The following ZDHHC15 variants were observed in gnomAD, a reference collection of about 807,000 sequenced individuals.
ZDHHC15 encodes zDHHC palmitoyltransferase 15, also known as palmitoyltransferase ZDHHC15.
In ZDHHC15, 19 loss-of-function variants were observed where a neutral mutation model predicts 31.7. The observed-to-expected ratio is 0.60, with a 90% CI of 0.42 to 0.88. ZDHHC15 has a LOEUF of 0.88. Ranked by LOEUF, ZDHHC15 falls within the 40% of genes least tolerant of loss-of-function variation. ZDHHC15 has a pLI of 0.00. For missense variants in ZDHHC15, 209 were observed against 251.2 expected, an observed-to-expected ratio of 0.83 and a Z score of 1.14; for synonymous variants, 103 against 90.0, an observed-to-expected ratio of 1.14 and a Z score of -0.82.
chrX:75,458,907 G>A (rs777290073), intron 3 of ZDHHC15, among the ~76,000 whole-genome samples: 1 of 105,208 alleles, frequency 9.5e-6, no homozygotes, highest in African/African-American at 3.5e-5. Flanking sequence ...TCTCGCATTC[G>A]GACTGACTAG....
chrX:75,442,332 G>T (rs2083954296), intron 4 of ZDHHC15, among the ~76,000 whole-genome samples: 1 of 111,596 alleles, frequency 9.0e-6, no homozygotes, highest in Non-Finnish European at 1.9e-5. Flanking sequence ...GAAATAAAGG[G>T]TATTCAATTA....
At chrX:75,505,725 G>A in intron 2 of ZDHHC15, 96 bp downstream of exon 2, 1 of 1,004,185 alleles carries the variant, frequency 1.0e-6, no homozygotes, top group South Asian at 2.5e-5. Flanking sequence ...GTTTATTTCT[G>A]GGAAAATTGC....
At chrX:75,450,045 A>G (rs943144672) in intron 4 of ZDHHC15, among the ~76,000 whole-genome samples, 3 of 112,006 alleles carry the variant, frequency 2.7e-5, no homozygotes, top group African/African-American at 9.7e-5. Context: ...AAACAACCCA[A>G]GTATGTATCA....
intron 4 of ZDHHC15, among the ~76,000 whole-genome samples, chrX:75,440,537 C>G (rs2083925151): frequency 8.9e-6 from 1 of 112,623 alleles, no homozygotes. Context: ...CCCCGGCCTC[C>G]CGAAGTGCTG....
intron 1 of ZDHHC15, among the ~76,000 whole-genome samples, chrX:75,507,372 CAAACTTCCCTTTTGG>C (rs2085184714): frequency 2.8e-5 from 3 of 107,937 alleles, no homozygotes; most frequent in African/African-American, 1.0e-4. Flanking sequence ...TTTTTTTTTG[CAAACTTCCCTTTTGG>C]AAATTACATA....
chrX:75,395,419 C>T (rs2083288823), intron 10 of ZDHHC15, among the ~76,000 whole-genome samples: 1 of 111,309 alleles, frequency 9.0e-6, no homozygotes. Flanking sequence ...CAGTGAACAA[C>T]ATAAAATGAA....
intron 1 of ZDHHC15, among the ~76,000 whole-genome samples, chrX:75,513,147 T>A (rs1465161823): frequency 9.0e-6 from 1 of 110,706 alleles, no homozygotes; most frequent in African/African-American, 3.3e-5. Flanking sequence ...TCAAGATGGA[T>A]TAAAGATTTA....
intron 3 of ZDHHC15, among the ~76,000 whole-genome samples, chrX:75,472,875 G>A (rs1488484142): frequency 8.9e-6 from 1 of 112,203 alleles, no homozygotes; most frequent in Non-Finnish European, 1.9e-5. Flanking sequence ...ATTCAAACTG[G>A]CACCATTTCT....
chrX:75,492,433 A>C (rs1293882686), intron 2 of ZDHHC15, among the ~76,000 whole-genome samples: 1 of 111,475 alleles, frequency 9.0e-6, no homozygotes, highest in African/African-American at 3.3e-5. Context: ...AAGCGGACCT[A>C]ATAGACATCT....
intron 8 of ZDHHC15, among the ~76,000 whole-genome samples, chrX:75,422,745 CT>C (rs1256135212): frequency 9.0e-6 from 1 of 111,268 alleles, no homozygotes; most frequent in African/African-American, 3.3e-5. Flanking sequence ...ATCTACCACC[CT>C]AGCAACTAGG....
intron 10 of ZDHHC15, among the ~76,000 whole-genome samples, chrX:75,394,654 C>A (rs187064787): frequency 1.2e-3 from 137 of 111,836 alleles, no homozygotes; most frequent in Non-Finnish European, 2.3e-3. Context: ...ATAAAGGGGT[C>A]TATTCAGCAG....
intron 7 of ZDHHC15, among the ~76,000 whole-genome samples, chrX:75,425,493 CG>C (rs1211772209): frequency 8.9e-6 from 1 of 111,763 alleles, no homozygotes; most frequent in Non-Finnish European, 1.9e-5. Context: ...CCTTTTTTTC[CG>C]ACATGCAGCC....
chrX:75,373,926 G>T (rs377259300), intron 11 of ZDHHC15, among the ~76,000 whole-genome samples: 382 of 50,284 alleles, frequency 7.6e-3, no homozygotes, highest in South Asian at 0.011. Context: ...CATTCTTTCT[G>T]TTTTTTTTTT....
At chrX:75,438,568 G>A (rs981615478) in intron 4 of ZDHHC15, among the ~76,000 whole-genome samples, 25 of 111,150 alleles carry the variant, frequency 2.2e-4, no homozygotes, top group African/African-American at 7.5e-4. Flanking sequence ...TGTTAGGTGC[G>A]TTGAAGACAG....
Position 75,421,968 on chromosome X carries a change from A to C in ZDHHC15, c.759T>G (p.Phe253Leu). The change falls in exon 9 of 12, where the codon TTT (phenylalanine) becomes TTG (leucine). Residue 253 changes from phenylalanine to leucine, a missense_variant. Transcript: ENST00000373367. Reference protein sequence around the residue: ...TTLEAFCTPVFTSGPEKNGFN... With the variant: ...TTLEAFCTPVLTSGPEKNGFN... ...ACCCATTTTTCTCTGGGCCACTTGT[A>C]AACACTGGAGTGCAGAAGGCCTCTA... is the stretch of plus-strand genomic sequence containing the variant. 1 of 1,209,905 alleles carries C rather than the reference A, an allele frequency of 8.3e-7. No individual in the cohort carries two copies. The highest frequency in any genetic ancestry group is 1.1e-6 in the Non-Finnish European group (1 of 894,475).
In ZDHHC15 at chrX:75,425,832, C is replaced by T. The variant is rs948233566; in HGVS notation, c.604-1048G>A. Among the ~76,000 whole-genome samples the T allele has an allele frequency of 5.6e-4, 62 of 111,386 alleles. No individual in the cohort carries two copies. In the Admixed American group the frequency reaches 5.7e-3, roughly 10 times the overall value. Reference sequence around the variant, plus strand: ...CAGATAGTACAGATTTTTTTCTTCTCTGAGATAATATTTTTATTCATTTTT... The same window carrying T: ...CAGATAGTACAGATTTTTTTCTTCTTTGAGATAATATTTTTATTCATTTTT... On this transcript the variant is annotated intron_variant, in intron 7 of 11. Coordinates refer to ENST00000373367, the MANE Select transcript of ZDHHC15 (RefSeq NM_144969.3).
intron 3 of ZDHHC15, among the ~76,000 whole-genome samples, chrX:75,477,135 T>C (rs768130982): frequency 8.0e-5 from 9 of 111,913 alleles, no homozygotes; most frequent in East Asian, 2.8e-4. Flanking sequence ...ATTTGATTCA[T>C]TTGTTAAGCA....
At chrX:75,379,225 C>A in intron 10 of ZDHHC15, 27 bp from the exon 11 acceptor site, 10 of 1,207,193 alleles carry the variant, frequency 8.3e-6, no homozygotes, top group Non-Finnish European at 1.1e-5. Context: ...TGAAGATGAT[C>A]AAATGTCCCC....
chrX:75,484,741 T>C (rs2084750207), intron 2 of ZDHHC15, among the ~76,000 whole-genome samples: 2 of 111,912 alleles, frequency 1.8e-5, no homozygotes, highest in African/African-American at 6.5e-5. Context: ...AACAAAAACA[T>C]ATATCTCCAC....
Sources: gnomAD v4.1 joint callset for allele counts (sites outside exome capture counted in the v4.1 genomes callset) on GRCh38, gnomAD v4.1.1 for gene constraint, MANE v1.5 for transcripts, NCBI Gene and HGNC (gene_info 2026-07-23, HGNC 2026-07-21) for gene names.